PPP3CA: variants seen among roughly 807,000 people sequenced by gnomAD.
PPP3CA encodes CAM-PRP catalytic subunit.
A neutral mutation model predicts 66.5 loss-of-function variants in PPP3CA; 14 were observed. The observed-to-expected ratio is 0.21, with a 90% CI of 0.14 to 0.33. The LOEUF (loss-of-function observed/expected upper bound fraction) is 0.33, where lower values mean the gene tolerates loss of function less well. Ranked by LOEUF, PPP3CA falls within the 10% of genes least tolerant of loss-of-function variation. The pLI is 1.00. For synonymous variants in PPP3CA, 232 were observed against 226.2 expected (o/e 1.03, Z -0.23); for missense variants, 317 against 639.5 (o/e 0.50, Z 5.44).
intron 8 of PPP3CA, among the ~76,000 whole-genome samples, chr4:101,065,167 T>C (rs1045145703): frequency 6.7e-6 from 1 of 150,330 alleles, no homozygotes; most frequent in African/African-American, 2.5e-5. Flanking sequence ...GCTAAAAACA[T>C]GCAAAATAAA....
chr4:101,091,837 T>TAATA (rs1323586262), intron 6 of PPP3CA, among the ~76,000 whole-genome samples: 1 of 138,176 alleles, frequency 7.2e-6, no homozygotes, highest in East Asian at 2.0e-4. Context: ...ATAATAATAA[T>TAATA]AATAATAATA....
intron 1 of PPP3CA, among the ~76,000 whole-genome samples, chr4:101,281,290 G>T (rs536764172): frequency 6.6e-6 from 1 of 152,208 alleles, no homozygotes; most frequent in Non-Finnish European, 1.5e-5. Flanking sequence ...GAGAAATGCA[G>T]CAGTAGCTGG....
At chr4:101,242,052 C>T (rs1359077440) in intron 1 of PPP3CA, among the ~76,000 whole-genome samples, 2 of 152,054 alleles carry the variant, frequency 1.3e-5, no homozygotes, top group African/African-American at 2.4e-5. Flanking sequence ...CTTCTGCCTT[C>T]AAAATACTTC....
At chr4:101,053,139 T>C (rs1196829218) in intron 10 of PPP3CA, among the ~76,000 whole-genome samples, 1 of 152,130 alleles carries the variant, frequency 6.6e-6, no homozygotes, top group Non-Finnish European at 1.5e-5. Flanking sequence ...AATAAAAATA[T>C]GTAAAGTAAA....
intron 1 of PPP3CA, among the ~76,000 whole-genome samples, chr4:101,259,357 A>AGCAC (rs901373215): frequency 1.3e-5 from 2 of 151,448 alleles, no homozygotes; most frequent in African/African-American, 4.9e-5. Flanking sequence ...TCATTCAGCA[A>AGCAC]GCAAGCAAGC....
chr4:101,295,173 C>T (rs1378191333), intron 1 of PPP3CA, among the ~76,000 whole-genome samples: 5 of 150,838 alleles, frequency 3.3e-5, no homozygotes, highest in African/African-American at 7.3e-5. Context: ...CGGTGGCGGG[C>T]GCCTGTAGTC....
intron 2 of PPP3CA, among the ~76,000 whole-genome samples, chr4:101,110,418 GCTA>G (rs1353024016): frequency 6.6e-6 from 1 of 152,154 alleles, no homozygotes; most frequent in African/African-American, 2.4e-5. Flanking sequence ...TCAAGAATTA[GCTA>G]CTAAGAACCC....
At chr4:101,183,613 A>T (rs541541086) in intron 2 of PPP3CA, among the ~76,000 whole-genome samples, 5 of 152,282 alleles carry the variant, frequency 3.3e-5, no homozygotes, top group Non-Finnish European at 7.4e-5. Context: ...AATCAAAAAT[A>T]TTTGTGATTA....
At chr4:101,293,672 A>G (rs114809160) in intron 1 of PPP3CA, among the ~76,000 whole-genome samples, 99 of 152,308 alleles carry the variant, frequency 6.5e-4, no homozygotes, top group African/African-American at 2.1e-3. Flanking sequence ...GTGGAATGAG[A>G]GAAGAGACAT....
At chr4:101,070,987 A>T (rs1326610379) in intron 8 of PPP3CA, among the ~76,000 whole-genome samples, 1 of 152,202 alleles carries the variant, frequency 6.6e-6, no homozygotes, top group Admixed American at 6.5e-5. Flanking sequence ...TTTATGTTCT[A>T]ATCTGTATTA....
intron 1 of PPP3CA, among the ~76,000 whole-genome samples, chr4:101,200,599 C>T (rs1169069952): frequency 6.6e-6 from 1 of 152,064 alleles, no homozygotes; most frequent in East Asian, 1.9e-4. Flanking sequence ...CTATATTTTC[C>T]TCCTTTTTTT....
intron 1 of PPP3CA, among the ~76,000 whole-genome samples, chr4:101,322,708 G>C (rs898431478): frequency 1.3e-5 from 2 of 152,060 alleles, no homozygotes; most frequent in Non-Finnish European, 2.9e-5. Context: ...ACTGCACTTG[G>C]CCTCTACTTA....
intron 10 of PPP3CA, among the ~76,000 whole-genome samples, chr4:101,054,698 G>T (rs10026659): frequency 6.6e-6 from 1 of 151,880 alleles, no homozygotes; most frequent in African/African-American, 2.4e-5. Flanking sequence ...TATTAGATAC[G>T]AAGAATTATC....
intron 2 of PPP3CA, among the ~76,000 whole-genome samples, chr4:101,180,909 G>C (rs1724216336): frequency 6.6e-6 from 1 of 151,872 alleles, no homozygotes; most frequent in South Asian, 2.1e-4. Flanking sequence ...CACCTCATTA[G>C]CACACTATAT....
intron 1 of PPP3CA, among the ~76,000 whole-genome samples, chr4:101,258,267 T>A (rs956325565): frequency 6.6e-6 from 1 of 152,068 alleles, no homozygotes; most frequent in African/African-American, 2.4e-5. Context: ...TAAGGAACTA[T>A]CCAAATGGAT....
rs150341825 is a variant in PPP3CA, at chr4:101,171,185, G to A, written c.259+24731C>T. ...TTTCTGTGTCATTTGAAAGCCATCC[G>A]TTTTTACCTTGGTGTGTGAATCGGG... is the stretch of plus-strand genomic sequence containing the variant. On this transcript the variant is annotated intron_variant, in intron 2 of 13. Coordinates refer to ENST00000394854, the MANE Select transcript of PPP3CA (RefSeq NM_000944.5). 1.5e-3 allele frequency: 694 copies of A among 455,890 alleles called. 5 individuals are homozygous for A. Among genetic ancestry groups the A allele is most frequent in the African/African-American group, 0.013 (630 of 50,142 alleles). The allele number at this position is 455,890 out of a possible 1,614,324, so 28.2% of individuals were successfully genotyped here.
chr4:101,090,809 CTG>C (rs943171670), intron 6 of PPP3CA, among the ~76,000 whole-genome samples: 4 of 150,900 alleles, frequency 2.7e-5, no homozygotes, highest in African/African-American at 9.7e-5. Context: ...ATACACACGT[CTG>C]TGTCTAATGC....
chr4:101,343,111 C>T (rs779617206), intron 1 of PPP3CA, among the ~76,000 whole-genome samples: 3 of 152,156 alleles, frequency 2.0e-5, no homozygotes, highest in Non-Finnish European at 4.4e-5. Context: ...CAAAACTCTT[C>T]TCAGAAATTT....
rs116678555 is a variant in PPP3CA, at chr4:101,309,083, C to T, written c.58+37656G>A. Among the ~76,000 whole-genome samples, 982 of 152,198 alleles carry T rather than the reference C, an allele frequency of 6.5e-3. 11 individuals are homozygous for T. The highest frequency in any genetic ancestry group is 0.022 in the African/African-American group (931 of 41,526). ...TTGAGGCTACAGTGAGCCATGATTGCACCACTGCACTCCAACCAGGGTGAA... is the reference window on the plus strand; with the variant it reads ...TTGAGGCTACAGTGAGCCATGATTGTACCACTGCACTCCAACCAGGGTGAA... On this transcript the variant is annotated intron_variant, in intron 1 of 13. Transcript: ENST00000394854.
Sources: allele counts gnomAD v4.1 joint callset (sites outside exome capture counted in the v4.1 genomes callset), GRCh38; gene constraint gnomAD v4.1.1; transcripts MANE v1.5; gene names NCBI Gene and HGNC (gene_info 2026-07-23, HGNC 2026-07-21).